The following EDIL3 variants were observed in gnomAD, a reference collection of about 807,000 sequenced individuals.
EDIL3 encodes the protein EGF-like repeat and discoidin I-like domain-containing protein 3.
Under a neutral mutation model 67.4 loss-of-function variants are expected in EDIL3, and 37 were observed. The observed-to-expected ratio is 0.55, with a 90% CI of 0.42 to 0.72. The LOEUF is 0.72. Ranked by LOEUF, EDIL3 falls within the 30% of genes least tolerant of loss-of-function variation. The pLI, the probability that EDIL3 is intolerant of heterozygous loss-of-function variation, is 0.00. For synonymous variants in EDIL3, 195 were observed against 196.3 expected, an observed-to-expected ratio of 0.99 and a Z score of 0.05; for missense variants, 527 against 586.3, an observed-to-expected ratio of 0.90 and a Z score of 1.04.
At chr5:84,029,381 G>GC (rs1318342687) in intron 9 of EDIL3, among the ~76,000 whole-genome samples, 2 of 152,100 alleles carry the variant, frequency 1.3e-5, no homozygotes, top group Non-Finnish European at 1.5e-5. Context: ...CGATTGTGAG[G>GC]CCTCCCCAGC....
chr5:84,226,311 A>G (rs2112405420), intron 3 of EDIL3, among the ~76,000 whole-genome samples: 1 of 151,782 alleles, frequency 6.6e-6, no homozygotes, highest in Non-Finnish European at 1.5e-5. Context: ...GAGAGTGAAA[A>G]CAGAATATTA....
intron 9 of EDIL3, among the ~76,000 whole-genome samples, chr5:84,013,148 G>T (rs773608771): frequency 1.3e-5 from 2 of 151,828 alleles, no homozygotes; most frequent in East Asian, 3.9e-4. Flanking sequence ...GAGGCTAAAA[G>T]AATGCATCTC....
intron 1 of EDIL3, among the ~76,000 whole-genome samples, chr5:84,375,406 C>T (rs894624958): frequency 6.6e-6 from 1 of 151,706 alleles, no homozygotes; most frequent in Non-Finnish European, 1.5e-5. Context: ...TAATTCTTCA[C>T]ATAAACCAGA....
intron 1 of EDIL3, among the ~76,000 whole-genome samples, chr5:84,262,189 C>T (rs1208165470): frequency 2.0e-5 from 3 of 152,036 alleles, no homozygotes; most frequent in South Asian, 2.1e-4. Context: ...ATCACAGGGC[C>T]GGGGGAGGCT....
intron 9 of EDIL3, among the ~76,000 whole-genome samples, chr5:84,010,098 A>G (rs1218130622): frequency 6.6e-6 from 1 of 152,192 alleles, no homozygotes; most frequent in African/African-American, 2.4e-5. Context: ...TCGTGCCTAC[A>G]ACAGTAAAGT....
At chr5:84,068,301 G>C (rs1746678907) in intron 6 of EDIL3, among the ~76,000 whole-genome samples, 1 of 151,992 alleles carries the variant, frequency 6.6e-6, no homozygotes, top group Admixed American at 6.6e-5. Context: ...ATGCACAGTG[G>C]ACACTTTGAA....
intron 2 of EDIL3, among the ~76,000 whole-genome samples, chr5:84,247,535 T>C (rs1744932001): frequency 6.6e-6 from 1 of 152,176 alleles, no homozygotes; most frequent in Non-Finnish European, 1.5e-5. Context: ...TGACAGTCTG[T>C]ATTTTCTGGG....
chr5:84,356,885 C>CTTTT (rs1229298711), intron 1 of EDIL3, among the ~76,000 whole-genome samples: 35 of 39,336 alleles, frequency 8.9e-4, no homozygotes, highest in African/African-American at 2.9e-3. Flanking sequence ...AACAATCTTT[C>CTTTT]TTTCTTTTTT....
rs1158864275 is a variant in EDIL3 at position 84,174,232 on chromosome 5, T to C, written c.355+6161A>G. Among the ~76,000 whole-genome samples the C allele has an allele frequency of 2.0e-5, 3 of 152,248 alleles. No homozygotes were observed. The South Asian group carries it at 6.2e-4, about 32-fold the overall frequency. On this transcript the variant is annotated intron_variant, in intron 4 of 10. Transcript: ENST00000296591. ...GTTCACTGCCTCTCCTGCAGAGAGA[T>C]GGCAAGGGCAGGCACTTTTAGACCT...
intron 9 of EDIL3, among the ~76,000 whole-genome samples, chr5:84,055,637 A>C (rs1746430755): frequency 6.6e-6 from 1 of 152,306 alleles, no homozygotes; most frequent in Middle Eastern, 3.4e-3. Flanking sequence ...CCCCATCAAA[A>C]AGTGGGCAAA....
At chr5:84,371,339 ATATG>A (rs1208718029) in intron 1 of EDIL3, among the ~76,000 whole-genome samples, 4 of 139,280 alleles carry the variant, frequency 2.9e-5, no homozygotes, top group Non-Finnish European at 6.1e-5. Flanking sequence ...ATATATATAT[ATATG>A]TGTGTGTGTA....
chr5:84,023,985 G>A (rs1561406601), intron 9 of EDIL3, among the ~76,000 whole-genome samples: 1 of 152,090 alleles, frequency 6.6e-6, no homozygotes. Context: ...TCATTTATAT[G>A]TAGTGCATTA....
chr5:84,353,968 T>C (rs1747417960), intron 1 of EDIL3, among the ~76,000 whole-genome samples: 1 of 152,228 alleles, frequency 6.6e-6, no homozygotes. Context: ...ATTAGTCCTC[T>C]CTTCACTAGT....
chr5:84,191,350 G>A (rs1280018991), intron 3 of EDIL3, among the ~76,000 whole-genome samples: 1 of 152,038 alleles, frequency 6.6e-6, no homozygotes, highest in Non-Finnish European at 1.5e-5. Flanking sequence ...TAATCATGAA[G>A]CAGAGAGATT....
intron 1 of EDIL3, among the ~76,000 whole-genome samples, chr5:84,293,067 C>T (rs900597449): frequency 1.5e-4 from 23 of 152,110 alleles, no homozygotes; most frequent in African/African-American, 5.6e-4. Flanking sequence ...AACTTTCTTC[C>T]CTTTTATGGG....
At chr5:84,142,813 G>C (rs891181802) in intron 4 of EDIL3, among the ~76,000 whole-genome samples, 85 of 149,596 alleles carry the variant, frequency 5.7e-4, no homozygotes, top group Non-Finnish European at 8.9e-5. Context: ...GACAATGATA[G>C]ACGGTGCCCC....
chr5:84,376,936 T>A (rs1747979346), intron 1 of EDIL3, among the ~76,000 whole-genome samples: 1 of 152,192 alleles, frequency 6.6e-6, no homozygotes, highest in Non-Finnish European at 1.5e-5. Flanking sequence ...TTAGCGTTTA[T>A]AATACAGAAG....
chr5:84,153,074 A>G (rs1019909510), intron 4 of EDIL3, among the ~76,000 whole-genome samples: 44 of 152,244 alleles, frequency 2.9e-4, no homozygotes, highest in African/African-American at 1.0e-3. Context: ...TATTTAGCCC[A>G]TGGCTTTTAT....
intron 1 of EDIL3, among the ~76,000 whole-genome samples, chr5:84,283,773 T>G (rs1376408549): frequency 6.6e-6 from 1 of 152,190 alleles, no homozygotes; most frequent in African/African-American, 2.4e-5. Flanking sequence ...CTCTGTAAGC[T>G]TTTTTGTTTG....
Sources: gnomAD v4.1 joint callset for allele counts (sites outside exome capture counted in the v4.1 genomes callset) on GRCh38, gnomAD v4.1.1 for gene constraint, MANE v1.5 for transcripts, NCBI Gene and HGNC (gene_info 2026-07-23, HGNC 2026-07-21) for gene names.